Variants in CYP27B1 observed in about 807,000 individuals in gnomAD.
The protein encoded by CYP27B1 is cytochrome P450 family 27 subfamily B member 1, also known as 25-hydroxyvitamin D-1 alpha hydroxylase, mitochondrial.
A neutral mutation model predicts 54.8 loss-of-function variants in CYP27B1; 46 were observed. The observed-to-expected ratio is 0.84, with a 90% CI of 0.66 to 1.07. The LOEUF (loss-of-function observed/expected upper bound fraction) is 1.07. Ranked by LOEUF, CYP27B1 falls within the 50% of genes least tolerant of loss-of-function variation. The pLI, the probability that CYP27B1 is intolerant of heterozygous loss-of-function variation, is 0.00. For synonymous variants in CYP27B1, 292 were observed against 297.3 expected, an observed-to-expected ratio of 0.98 and a Z score of 0.18; for missense variants, 674 against 692.2, an observed-to-expected ratio of 0.97 and a Z score of 0.30.
chr12:57,766,192 C>T lies in CYP27B1; in HGVS notation c.201G>A (p.Gln67=). 6.5e-7 allele frequency: 1 copy of T among 1,537,676 alleles called. No homozygotes were observed. Among genetic ancestry groups the T allele is most frequent in the Non-Finnish European group, 8.8e-7 (1 of 1,141,514 alleles). Residue 67 remains glutamine, a synonymous_variant, in exon 2 of 9, where the codon CAG becomes CAA. Transcript: ENST00000228606. ...ACACCGGCCCGAAGTGCGCGGCGCC[C>T]TGCACCTGGGGGAGCGGACACAGCG... ...GLSRLHELQV[Q]GAAHFGPVWL... is the part of the protein sequence containing the mutation.
rs990957407 is a variant in CYP27B1 at position 57,766,639 on chromosome 12, G to T, written c.195+208C>A. Reference sequence around the variant, plus strand: ...CCACACCTCAGGACAGCGAGAAGGCGCTTTCGCAGCGCCCTCTGCTAAGAG... The same window carrying T: ...CCACACCTCAGGACAGCGAGAAGGCTCTTTCGCAGCGCCCTCTGCTAAGAG... On this transcript the variant is annotated intron_variant, in intron 1 of 8. Transcript: ENST00000228606. 1.3e-5 allele frequency: 8 copies of T among 626,366 alleles called. No homozygotes were observed. The African/African-American group carries it at 1.5e-4, about 12-fold the overall frequency. The allele number at this position is 626,366 out of a possible 1,614,324, so 38.8% of individuals were successfully genotyped here. A position where few individuals can be genotyped will look rare whatever the true frequency, so the allele number is the denominator to read the frequency against.
chr12:57,766,753 T>A lies in CYP27B1; in HGVS notation c.195+94A>T. The A allele has an allele frequency of 9.7e-6, 13 of 1,333,502 alleles. No individual in the cohort carries two copies. The South Asian group carries it at 1.2e-4, about 12-fold the overall frequency. The allele number at this position is 1,333,502 out of a possible 1,614,324, so 82.6% of individuals were successfully genotyped here. ...TTCATGGGCATCCGTTCTCTCTGGC[T>A]GTCCCACATTTGCTCTGCACTAGTC... On this transcript the variant is annotated intron_variant, in intron 1 of 8. Transcript: ENST00000228606.
In CYP27B1 at chr12:57,765,707, G is replaced by T; in HGVS notation, c.387-208C>A. 1.2e-6 allele frequency: 1 copy of T among 818,538 alleles called. No individual in the cohort carries two copies. Among genetic ancestry groups the T allele is most frequent in the Non-Finnish European group, 2.0e-6 (1 of 495,484 alleles). 50.7% of individuals were successfully genotyped at this position (818,538 alleles called of 1,614,324 possible). ...TGCCCTCAGGGGCCGGGGTTCCCGG[G>T]TAACTTGAGTCACAGAACCTTACAT... On this transcript the variant is annotated intron_variant, in intron 2 of 8. Coordinates refer to ENST00000228606, the MANE Select transcript of CYP27B1 (RefSeq NM_000785.4). The surrounding 1 kb of genome is among the most constrained non-coding windows in gnomAD (Gnocchi z 5.8).
Position 57,764,415 on chromosome 12 carries a change from G to C in CYP27B1, c.1099C>G (p.Leu367Val), listed in dbSNP as rs747732728. The C allele has an allele frequency of 6.2e-7, 1 of 1,614,086 alleles. No homozygotes were observed. ...TTGACCACCGCCTTCAGCAGGGGCA[G>C]CTGGGACAGAACAGTGGCTGAGGGG... ...AYPSATVLSQ[L>V]PLLKAVVKEV... Residue 367 changes from leucine to valine, a missense_variant, in exon 6 of 9, where the codon CTG (leucine) becomes GTG (valine). Coordinates refer to ENST00000228606, the MANE Select transcript of CYP27B1 (RefSeq NM_000785.4).
At chr12:57,766,529 T>C (rs577036725) in intron 1 of CYP27B1, 2 of 566,408 alleles carry the variant, frequency 3.5e-6, no homozygotes, top group African/African-American at 1.9e-5. Context: ...AAGGAACCCA[T>C]GTAGCTTTAA....
chr12:57,766,067 C>G lies in CYP27B1; in HGVS notation c.326G>C (p.Ser109Thr), dbSNP rs748472549. ...GCGGTGCTCCGTCCAGGGCGAGAAG[C>G]TGCAGCGCTCGGGCCGGGGTCCCTC... ...RQEGPRPERC[S>T]FSPWTEHRRC... The change falls in exon 2 of 9, where the codon AGC becomes ACC. Residue 109 changes from serine to threonine, a missense_variant. By Grantham distance (58) the Ser-to-Thr change is moderately conservative (BLOSUM62 1). Transcript: ENST00000228606. The G allele has an allele frequency of 6.4e-7, 1 of 1,557,816 alleles. No homozygotes were observed. The highest frequency in any genetic ancestry group is 1.2e-5 in the South Asian group (1 of 85,206).
rs569877712 is a variant in CYP27B1 at position 57,766,208 on chromosome 12, G to A, written c.196-11C>T. On this transcript the variant is annotated splice_polypyrimidine_tract_variant and intron_variant, in intron 1 of 8. Transcript: ENST00000228606. Reference sequence around the variant, plus strand: ...CGCGGCGCCCTGCACCTGGGGGAGCGGACACAGCGGACACTTGGATACCTG... The same window carrying A: ...CGCGGCGCCCTGCACCTGGGGGAGCAGACACAGCGGACACTTGGATACCTG... The A allele has an allele frequency of 4.6e-6, 7 of 1,525,802 alleles. No homozygotes were observed. The South Asian group carries it at 6.1e-5, about 13-fold the overall frequency. The allele number at this position is 1,525,802 out of a possible 1,614,324, so 94.5% of individuals were successfully genotyped here. A position where few individuals can be genotyped will look rare whatever the true frequency, so the allele number is the denominator to read the frequency against.
At chr12:57,766,325 T>A (rs1046316086) in intron 1 of CYP27B1, 128 bp from the exon 2 acceptor site, 1 of 1,260,974 alleles carries the variant, frequency 7.9e-7, no homozygotes, top group Non-Finnish European at 1.1e-6. Context: ...GGTGCCCAAC[T>A]AGTGTATGCC....
rs991881657 is a variant in CYP27B1 at position 57,762,380 on chromosome 12, A to C, written c.*762T>G. The C allele has an allele frequency of 4.6e-5, 7 of 152,410 alleles. No individual in the cohort carries two copies. Among genetic ancestry groups the C allele is most frequent in the African/African-American group, 1.2e-4 (5 of 41,598 alleles). The allele number at this position is 152,410 out of a possible 1,614,324, so 9.4% of individuals were successfully genotyped here. A position where few individuals can be genotyped will look rare whatever the true frequency, so the allele number is the denominator to read the frequency against. On this transcript the variant is annotated 3_prime_UTR_variant, in exon 9 of 9. Coordinates refer to ENST00000228606, the MANE Select transcript of CYP27B1 (RefSeq NM_000785.4). ...TATTCTAAAATTTGTGAATATTTAA[A>C]AATTTTCAATATAAAAAGCCAGAGG...
Position 57,765,059 on chromosome 12 carries a change from CAG to C in CYP27B1, c.740_741del (p.Pro247ArgfsTer85). On this transcript the variant is annotated frameshift_variant, in exon 4 of 9. Transcript: ENST00000228606. LOFTEE classifies it high-confidence loss of function. The surrounding 1 kb of genome is among the most constrained non-coding windows in gnomAD (Gnocchi z 5.8). Reference sequence around the variant, plus strand: ...TCTCGGCAGAGGCGGCCCCAGGGCCCAGGCACAAGGTGGCGCAGCCAGTGGGG... The same window carrying C: ...TCTCGGCAGAGGCGGCCCCAGGGCCCGCACAAGGTGGCGCAGCCAGTGGGG... ...AMPHWLRHLV[P>X]GPWGRLCRDW... 6.2e-7 allele frequency: 1 copy of C among 1,613,808 alleles called. No homozygotes were observed. Among genetic ancestry groups the C allele is most frequent in the Admixed American group, 1.7e-5 (1 of 60,036 alleles).
In CYP27B1 at chr12:57,764,747, A is replaced by G. The variant is rs369374170; in HGVS notation, c.963+7T>C. 15 of 1,613,400 alleles carry G rather than the reference A, an allele frequency of 9.3e-6. No homozygotes were observed. In the African/African-American group the frequency reaches 1.9e-4, roughly 20 times the overall value. ...AACCGGCTCACAGCACGGAGGGAGA[A>G]CCTCACCGTGTCCACTCCCGCCAAT... is the stretch of plus-strand genomic sequence containing the variant. On this transcript the variant is annotated splice_region_variant and intron_variant, in intron 5 of 8. Transcript: ENST00000228606.
chr12:57,764,835 G>T lies in CYP27B1; in HGVS notation c.882C>A (p.Thr294=). The change falls in exon 5 of 9, where the codon ACC becomes ACA. Residue 294 remains threonine, a synonymous_variant. Coordinates refer to ENST00000228606, the MANE Select transcript of CYP27B1 (RefSeq NM_000785.4). ...GCAACTCTTCCCGGAACAGGAAGTGGGTCAGGTGCGCCCCAGACTCCAGGT... is the reference window on the plus strand; with the variant it reads ...GCAACTCTTCCCGGAACAGGAAGTGTGTCAGGTGCGCCCCAGACTCCAGGT... The part of the protein sequence containing the change: ...EKDLESGAHL[T]HFLFREELPA... The T allele has an allele frequency of 6.2e-7, 1 of 1,614,156 alleles. No individual in the cohort carries two copies. The highest frequency in any genetic ancestry group is 1.1e-5 in the South Asian group (1 of 91,082).
Position 57,762,801 on chromosome 12 carries a change from T to G in CYP27B1, c.*341A>C, listed in dbSNP as rs1035693926. The G allele has an allele frequency of 5.6e-6, 2 of 358,668 alleles. No homozygotes were observed. Among genetic ancestry groups the G allele is most frequent in the African/African-American group, 4.2e-5 (2 of 47,134 alleles). The allele number at this position is 358,668 out of a possible 1,614,324, so 22.2% of individuals were successfully genotyped here. On this transcript the variant is annotated 3_prime_UTR_variant, in exon 9 of 9. Coordinates refer to ENST00000228606, the MANE Select transcript of CYP27B1 (RefSeq NM_000785.4). ...TTTGATAAATGCTTAGCCAGCAGCATCAATGAACACTATGAAAGCCCAAAA... is the reference window on the plus strand; with the variant it reads ...TTTGATAAATGCTTAGCCAGCAGCAGCAATGAACACTATGAAAGCCCAAAA...
rs932101014 is a variant in CYP27B1 at position 57,763,035 on chromosome 12, G to T, written c.*107C>A. Reference sequence around the variant, plus strand: ...TCACTATGGTGGTTCTATCCAGTTTGGTCAGATAGGCATTAGGGGAAGATG... The same window carrying T: ...TCACTATGGTGGTTCTATCCAGTTTTGTCAGATAGGCATTAGGGGAAGATG... On this transcript the variant is annotated 3_prime_UTR_variant, in exon 9 of 9. Transcript: ENST00000228606. 3 of 786,910 alleles carry T rather than the reference G, an allele frequency of 3.8e-6. No homozygotes were observed. Among genetic ancestry groups the T allele is most frequent in the Middle Eastern group, 3.1e-4 (1 of 3,240 alleles). 48.7% of individuals were successfully genotyped at this position (786,910 alleles called of 1,614,324 possible).
chr12:57,763,193 C>T lies in CYP27B1; in HGVS notation c.1476G>A (p.Arg492=). 1 of 1,614,190 alleles carries T rather than the reference C, an allele frequency of 6.2e-7. No individual in the cohort carries two copies. Among genetic ancestry groups the T allele is most frequent in the Non-Finnish European group, 8.5e-7 (1 of 1,180,026 alleles). Residue 492 remains arginine (R), a synonymous_variant, in exon 9 of 9, where the codon CGG becomes CGA. Transcript: ENST00000228606. ...PGAAPVRPKT[R]TVLVPERSIN... Reference sequence around the variant, plus strand: ...TGCTCCTTTCAGGTACCAGGACAGTCCGGGTCTTGGGTCTAACTGGGGCCG... The same window carrying T: ...TGCTCCTTTCAGGTACCAGGACAGTTCGGGTCTTGGGTCTAACTGGGGCCG...
Position 57,765,112 on chromosome 12 carries a change from A to G in CYP27B1, c.689T>C (p.Val230Ala), listed in dbSNP as rs1955348094. 1.2e-6 allele frequency: 2 copies of G among 1,613,874 alleles called. No homozygotes were observed. The highest frequency in any genetic ancestry group is 1.1e-5 in the South Asian group (1 of 91,092). Residue 230 changes from valine (V) to alanine (A), a missense_variant, in exon 4 of 9, where the codon GTG becomes GCG. Val to Ala is a moderately conservative substitution (Grantham distance 64). Coordinates refer to ENST00000228606, the MANE Select transcript of CYP27B1 (RefSeq NM_000785.4). The surrounding 1 kb of genome is among the most constrained non-coding windows in gnomAD (Gnocchi z 5.8). ...CATCGCCATGGTCAACAGCGTGGAC[A>G]CAAACACCGAGCCCACAGCGCGGAT... ...TFIRAVGSVF[V>A]STLLTMAMPH...
Position 57,765,632 on chromosome 12 carries a change from T to A in CYP27B1, c.387-133A>T. On this transcript the variant is annotated intron_variant, in intron 2 of 8. Transcript: ENST00000228606. The surrounding 1 kb of genome is among the most constrained non-coding windows in gnomAD (Gnocchi z 5.8). ...TCTGCCCCCTTGGGGTACGGAAACC[T>A]GCACCGGCCTGCGCCTGTCTTCCAG... The A allele has an allele frequency of 9.9e-7, 1 of 1,005,470 alleles. No homozygotes were observed. The highest frequency in any genetic ancestry group is 2.0e-5 in the Admixed American group (1 of 50,338). The allele number at this position is 1,005,470 out of a possible 1,614,324, so 62.3% of individuals were successfully genotyped here.
At position 57,763,702 on chromosome 12, in the gene CYP27B1, T is replaced by TGG. The variant is rs1565810563; in HGVS notation, c.1320_1321dup (p.His441ProfsTer34). ...GCCAAAGGGAAGAGATGCAAATGGG[T>TGG]GGGGGGTGGGACCCTCCCCCAGCCA... On this transcript the variant is annotated frameshift_variant, in exon 8 of 9. Coordinates refer to ENST00000228606, the MANE Select transcript of CYP27B1 (RefSeq NM_000785.4). LOFTEE classifies it high-confidence loss of function. The TGG allele has an allele frequency of 7.5e-6, 11 of 1,475,972 alleles. No individual in the cohort carries two copies. Among genetic ancestry groups the TGG allele is most frequent in the Non-Finnish European group, 9.4e-6 (10 of 1,059,084 alleles). The allele number at this position is 1,475,972 out of a possible 1,614,324, so 91.4% of individuals were successfully genotyped here.
In CYP27B1 at chr12:57,767,004, TG is replaced by T; in HGVS notation, c.37del (p.His13IlefsTer13). The T allele has an allele frequency of 6.2e-7, 1 of 1,614,214 alleles. No homozygotes were observed. The highest frequency in any genetic ancestry group is 8.5e-7 in the Non-Finnish European group (1 of 1,180,038). ...QTLKYASRVF[H>X]RVRWAPELGA... ...CAACTCGGGCGCCCAGCGGACGCGA[TG>T]GAACACTCTGGAGGCGTACTTGAGG... On this transcript the variant is annotated frameshift_variant, in exon 1 of 9. Coordinates refer to ENST00000228606, the MANE Select transcript of CYP27B1 (RefSeq NM_000785.4). LOFTEE classifies it high-confidence loss of function.
Sources: gnomAD v4.1 joint callset for allele counts on GRCh38, gnomAD v4.1.1 for gene constraint, Gnocchi (gnomAD v3.1) non-coding constraint, MANE v1.5 for transcripts, NCBI Gene and HGNC (gene_info 2026-07-23, HGNC 2026-07-21) for gene names.